GREM2: variants seen among roughly 807,000 people sequenced by gnomAD.
GREM2 encodes gremlin 2, DAN family BMP antagonist.
Under a neutral mutation model 14.2 loss-of-function variants are expected in GREM2, and 11 were observed. The ratio of observed to expected loss-of-function variants is 0.78; its 90% CI spans 0.49 to 1.28. The LOEUF (loss-of-function observed/expected upper bound fraction) is 1.28, where lower values mean the gene tolerates loss of function less well. GREM2 is among the 50% of genes most tolerant of loss of function. The pLI, the probability that GREM2 is intolerant of heterozygous loss-of-function variation, is 0.00. For missense variants in GREM2, 210 were observed against 218.5 expected (o/e 0.96, Z 0.24); for synonymous variants, 98 against 97.6 (o/e 1.00, Z -0.02).
chr1:240,587,474 A>T (rs924480417), intron 1 of GREM2, among the ~76,000 whole-genome samples: 3 of 151,876 alleles, frequency 2.0e-5, no homozygotes, highest in Non-Finnish European at 4.4e-5. Context: ...AGCATAAGCC[A>T]CTGTGACTGG....
chr1:240,563,082 A>C (rs752906453), intron 1 of GREM2, among the ~76,000 whole-genome samples: 1 of 104,560 alleles, frequency 9.6e-6, no homozygotes, highest in Non-Finnish European at 2.1e-5. Flanking sequence ...TGTATATGTG[A>C]GTGTGTGTAT....
chr1:240,510,780 G>T, intron 1 of GREM2, among the ~76,000 whole-genome samples: 1 of 152,256 alleles, frequency 6.6e-6, no homozygotes, highest in African/African-American at 2.4e-5. Flanking sequence ...AAGAAAATAC[G>T]TAAGTGAAGG....
At chr1:240,606,314 A>G (rs1489002954) in intron 1 of GREM2, among the ~76,000 whole-genome samples, 3 of 152,210 alleles carry the variant, frequency 2.0e-5, no homozygotes, top group Non-Finnish European at 4.4e-5. Context: ...TATACAAGGA[A>G]GACTAAAACC....
chr1:240,571,422 G>A (rs1195188999), intron 1 of GREM2, among the ~76,000 whole-genome samples: 2 of 152,158 alleles, frequency 1.3e-5, no homozygotes, highest in South Asian at 2.1e-4. Flanking sequence ...AGCTGGGCAC[G>A]GTGGCTCACG....
intron 1 of GREM2, among the ~76,000 whole-genome samples, chr1:240,575,360 T>C (rs2103370049): frequency 6.6e-6 from 1 of 151,064 alleles, no homozygotes; most frequent in East Asian, 2.0e-4. Context: ...CAAAGCCAAA[T>C]AGTTCTCAAG....
intron 1 of GREM2, among the ~76,000 whole-genome samples, chr1:240,556,166 C>G (rs575579767): frequency 1.1e-4 from 17 of 152,294 alleles, no homozygotes; most frequent in East Asian, 5.8e-4. Flanking sequence ...TTACGCCGGG[C>G]ACAGTGGAAC....
chr1:240,514,658 A>G (rs1677912068), intron 1 of GREM2, among the ~76,000 whole-genome samples: 1 of 152,220 alleles, frequency 6.6e-6, no homozygotes, highest in Non-Finnish European at 1.5e-5. Flanking sequence ...CAGCACTTCA[A>G]GACGCCAAGG....
At chr1:240,587,237 T>C (rs1028585571) in intron 1 of GREM2, among the ~76,000 whole-genome samples, 1 of 152,146 alleles carries the variant, frequency 6.6e-6, no homozygotes, top group Admixed American at 6.6e-5. Flanking sequence ...TACTCCCAGA[T>C]TTTTAGGCGT....
At chr1:240,535,584 G>A (rs1299582213) in intron 1 of GREM2, among the ~76,000 whole-genome samples, 1 of 152,132 alleles carries the variant, frequency 6.6e-6, no homozygotes, top group East Asian at 1.9e-4. Context: ...GGGATCACTT[G>A]AGGTCAGGAG....
At chr1:240,589,599 T>C (rs1262630154) in intron 1 of GREM2, among the ~76,000 whole-genome samples, 1 of 152,140 alleles carries the variant, frequency 6.6e-6, no homozygotes, top group African/African-American at 2.4e-5. Context: ...GCCTTGTTCC[T>C]ATGAGAACAA....
intron 1 of GREM2, among the ~76,000 whole-genome samples, chr1:240,578,507 G>A (rs1444876227): frequency 1.3e-5 from 2 of 152,028 alleles, no homozygotes; most frequent in Admixed American, 1.3e-4. Flanking sequence ...GGTATAGGCT[G>A]GGCACGGTGG....
intron 1 of GREM2, among the ~76,000 whole-genome samples, chr1:240,603,113 GC>G (rs1679960611): frequency 6.6e-6 from 1 of 152,030 alleles, no homozygotes; most frequent in African/African-American, 2.4e-5. Flanking sequence ...GAATTCCAAG[GC>G]GGTGAATGCG....
chr1:240,552,225 T>A (rs1678866431), intron 1 of GREM2, among the ~76,000 whole-genome samples: 1 of 152,212 alleles, frequency 6.6e-6, no homozygotes, highest in Non-Finnish European at 1.5e-5. Context: ...TTGTTTTCTT[T>A]GAAAGTCATA....
chr1:240,576,574 C>T (rs1029043278), intron 1 of GREM2, among the ~76,000 whole-genome samples: 6 of 152,098 alleles, frequency 3.9e-5, no homozygotes, highest in Non-Finnish European at 8.8e-5. Flanking sequence ...CAAAGGCTGC[C>T]AAACAACCCT....
rs1677293569 is a variant in GREM2 at position 240,492,932 on chromosome 1, G to C, written c.*37C>G. On this transcript the variant is annotated 3_prime_UTR_variant, in exon 2 of 2. Transcript: ENST00000318160. Reference sequence around the variant, plus strand: ...GCGGCGGCGGCGCCACCCAGCGGCCGGGCGCGCGCGGGGCTGAGCTGCGTC... The same window carrying C: ...GCGGCGGCGGCGCCACCCAGCGGCCCGGCGCGCGCGGGGCTGAGCTGCGTC... 14 of 1,399,012 alleles carry C rather than the reference G, an allele frequency of 1.0e-5. No individual in the cohort carries two copies. Among genetic ancestry groups the C allele is most frequent in the Admixed American group, 2.9e-5 (1 of 34,390 alleles). 86.7% of individuals were successfully genotyped at this position (1,399,012 alleles called of 1,614,324 possible).
intron 1 of GREM2, among the ~76,000 whole-genome samples, chr1:240,555,872 A>T (rs1297412253): frequency 6.6e-6 from 1 of 152,262 alleles, no homozygotes; most frequent in Admixed American, 6.5e-5. Flanking sequence ...CCCACAGAGT[A>T]GGCAGATTTT....
intron 1 of GREM2, among the ~76,000 whole-genome samples, chr1:240,562,780 A>T (rs1247863580): frequency 5.4e-5 from 8 of 148,116 alleles, no homozygotes; most frequent in Admixed American, 4.0e-4. Context: ...TGTGTGTATG[A>T]GTGTGTATGT....
intron 1 of GREM2, among the ~76,000 whole-genome samples, chr1:240,602,316 G>T (rs547752073): frequency 1.3e-5 from 2 of 152,136 alleles, no homozygotes; most frequent in African/African-American, 4.8e-5. Flanking sequence ...TCCATCCCAT[G>T]ATACTTCAGC....
chr1:240,604,053 A>G (rs1040167743), intron 1 of GREM2, among the ~76,000 whole-genome samples: 1 of 151,676 alleles, frequency 6.6e-6, no homozygotes, highest in African/African-American at 2.4e-5. Flanking sequence ...GGTGTCACAC[A>G]GTAAGAGAGG....
Sources: gnomAD v4.1 joint callset for allele counts (sites outside exome capture counted in the v4.1 genomes callset) on GRCh38, gnomAD v4.1.1 for gene constraint, MANE v1.5 for transcripts, NCBI Gene and HGNC (gene_info 2026-07-23, HGNC 2026-07-21) for gene names.